The following NRCAM variants were observed in gnomAD, a reference collection of about 807,000 sequenced individuals.
The protein encoded by NRCAM is neuronal cell adhesion molecule, also known as NgCAM-related cell adhesion molecule.
A neutral mutation model predicts 156.5 loss-of-function variants in NRCAM; 83 were observed. The observed-to-expected ratio is 0.53, with a 90% CI of 0.44 to 0.64. NRCAM has a LOEUF of 0.64. NRCAM is among the 30% of genes least tolerant of loss of function. The pLI, the probability that NRCAM is intolerant of heterozygous loss-of-function variation, is 0.00. For synonymous variants in NRCAM, 538 were observed against 563.9 expected (o/e 0.95, Z 0.65); for missense variants, 1,417 against 1,597.3 (o/e 0.89, Z 1.92).
At chr7:108,190,440 T>C (rs1044017769) in intron 19 of NRCAM, among the ~76,000 whole-genome samples, 7 of 152,206 alleles carry the variant, frequency 4.6e-5, no homozygotes, top group Non-Finnish European at 1.0e-4. Flanking sequence ...GGAGTATCTC[T>C]GGCTCTTAGG....
At chr7:108,280,833 T>G (rs2097831752) in intron 3 of NRCAM, among the ~76,000 whole-genome samples, 1 of 34,336 alleles carries the variant, frequency 2.9e-5, no homozygotes, top group South Asian at 8.1e-4. Context: ...CTCACTAATA[T>G]CAAGTAAAAA....
chr7:108,418,829 G>C (rs1277269292), intron 1 of NRCAM, among the ~76,000 whole-genome samples: 1 of 152,050 alleles, frequency 6.6e-6, no homozygotes, highest in Non-Finnish European at 1.5e-5. Flanking sequence ...TTGACCATCA[G>C]TGTATAGGCT....
chr7:108,192,402 A>G (rs1004050082), intron 17 of NRCAM, among the ~76,000 whole-genome samples: 1 of 152,174 alleles, frequency 6.6e-6, no homozygotes, highest in African/African-American at 2.4e-5. Flanking sequence ...ATATATGTAT[A>G]TACATATTAC....
intron 2 of NRCAM, among the ~76,000 whole-genome samples, chr7:108,327,438 G>C (rs1030152001): frequency 1.3e-5 from 2 of 152,134 alleles, no homozygotes; most frequent in Admixed American, 1.3e-4. Context: ...ACTGCCCTAG[G>C]AAAATGGCAG....
chr7:108,175,188 C>T, intron 28 of NRCAM, 134 bp downstream of exon 28: 1 of 654,210 alleles, frequency 1.5e-6, no homozygotes, highest in Non-Finnish European at 2.4e-6. Context: ...ATTTTAAAGC[C>T]AAGATTGGAT....
intron 3 of NRCAM, among the ~76,000 whole-genome samples, chr7:108,255,176 C>T (rs987342407): frequency 5.9e-4 from 52 of 88,274 alleles, no homozygotes; most frequent in African/African-American, 1.5e-3. Flanking sequence ...CCCCTCCCCC[C>T]CCTGCCCCTC....
chr7:108,322,980 C>A (rs2099020388), intron 2 of NRCAM, among the ~76,000 whole-genome samples: 1 of 152,118 alleles, frequency 6.6e-6, no homozygotes, highest in Admixed American at 6.5e-5. Flanking sequence ...ATAATCCTGA[C>A]CTATTTCTCA....
intron 1 of NRCAM, among the ~76,000 whole-genome samples, chr7:108,440,987 A>G (rs1221149075): frequency 6.6e-6 from 1 of 152,198 alleles, no homozygotes; most frequent in Non-Finnish European, 1.5e-5. Context: ...ACCATGAAGC[A>G]CTGCAAATTC....
chr7:108,188,709 G>C (rs1587279890), intron 20 of NRCAM, among the ~76,000 whole-genome samples: 1 of 138,232 alleles, frequency 7.2e-6, no homozygotes, highest in East Asian at 2.1e-4. Flanking sequence ...TAGAAGACTG[G>C]GCCTGGATGA....
At chr7:108,328,238 A>C (rs1041558392) in intron 2 of NRCAM, among the ~76,000 whole-genome samples, 2 of 152,198 alleles carry the variant, frequency 1.3e-5, no homozygotes, top group Non-Finnish European at 2.9e-5. Context: ...AATAAAACCA[A>C]ATCAATGAAC....
intron 2 of NRCAM, among the ~76,000 whole-genome samples, chr7:108,386,743 C>A (rs574288135): frequency 2.0e-5 from 3 of 152,082 alleles, no homozygotes; most frequent in Non-Finnish European, 4.4e-5. Context: ...CACAAAGATA[C>A]TATGAGAAAG....
At chr7:108,182,019 T>C in intron 23 of NRCAM, 82 bp from the exon 24 acceptor site, 1 of 1,081,160 alleles carries the variant, frequency 9.2e-7, no homozygotes, top group South Asian at 1.4e-5. Flanking sequence ...CTAATAATTT[T>C]GGCTTGAAGC....
intron 2 of NRCAM, among the ~76,000 whole-genome samples, chr7:108,383,771 A>G (rs1001306360): frequency 7.2e-5 from 11 of 152,220 alleles, no homozygotes; most frequent in South Asian, 2.1e-4. Context: ...CTGGGGAAAT[A>G]TAAGAAATAA....
chr7:108,263,429 C>G (rs151277124), intron 3 of NRCAM, among the ~76,000 whole-genome samples: 1 of 152,366 alleles, frequency 6.6e-6, no homozygotes, highest in East Asian at 1.9e-4. Flanking sequence ...GGCCTCTTCA[C>G]TAACAGGTGC....
intron 1 of NRCAM, among the ~76,000 whole-genome samples, chr7:108,414,545 C>T (rs181298479): frequency 2.2e-4 from 33 of 152,284 alleles, no homozygotes; most frequent in African/African-American, 7.5e-4. Context: ...ACAACAACCT[C>T]ACAATCTAAC....
chr7:108,316,201 T>A (rs754628032), intron 2 of NRCAM, among the ~76,000 whole-genome samples: 21 of 152,184 alleles, frequency 1.4e-4, no homozygotes, highest in Non-Finnish European at 2.4e-4. Context: ...AAGAGTGGAT[T>A]TGTCATAAAA....
At chr7:108,304,049 A>G (rs1472428837) in intron 3 of NRCAM, among the ~76,000 whole-genome samples, 2 of 152,184 alleles carry the variant, frequency 1.3e-5, no homozygotes, top group Non-Finnish European at 2.9e-5. Flanking sequence ...TCATGAAGAA[A>G]GGAGGGAAGA....
At chr7:108,397,406 T>G (rs890870028) in intron 2 of NRCAM, among the ~76,000 whole-genome samples, 2 of 152,132 alleles carry the variant, frequency 1.3e-5, no homozygotes, top group Non-Finnish European at 1.5e-5. Context: ...TAAGTATTAT[T>G]TGAAGTTGAA....
rs2072546 is a variant in NRCAM, at chr7:108,232,372, G to A, written c.381C>T (p.Asn127=). ...TATTAGAAACTGCAGCTCCGCGTTC[G>A]TTCCTTGCTGTACACTGATAGACTC... ...YEGVYQCTAR[N]ERGAAVSNNI... The change falls in exon 7 of 33, where the codon AAC becomes AAT. Residue 127 remains asparagine, a synonymous_variant. Transcript: ENST00000379028. The A allele has an allele frequency of 0.15, 244,754 of 1,609,834 alleles. 25,042 individuals carry two copies. The highest frequency in any genetic ancestry group is 0.55 in the East Asian group (24,410 of 44,670).
Sources: allele counts gnomAD v4.1 joint callset (sites outside exome capture counted in the v4.1 genomes callset), GRCh38; gene constraint gnomAD v4.1.1; transcripts MANE v1.5; gene names NCBI Gene and HGNC (gene_info 2026-07-23, HGNC 2026-07-21).